The following MAPK10 variants were observed in gnomAD, a reference collection of about 807,000 sequenced individuals.
MAPK10 encodes mitogen-activated protein kinase 10.
In MAPK10, 25 loss-of-function variants were observed where a neutral mutation model predicts 59.3. That is an observed-to-expected ratio of 0.42 (90% confidence interval 0.31 to 0.59). The LOEUF (loss-of-function observed/expected upper bound fraction) is 0.59, where lower values mean the gene tolerates loss of function less well. MAPK10 is among the 20% of genes least tolerant of loss of function. The pLI, the probability that MAPK10 is intolerant of heterozygous loss-of-function variation, is 0.15. For synonymous variants in MAPK10, 190 were observed against 200.5 expected (o/e 0.95, Z 0.44); for missense variants, 351 against 568.9 (o/e 0.62, Z 3.90).
At chr4:86,284,424 G>A (rs917861222) in intron 2 of MAPK10, among the ~76,000 whole-genome samples, 6 of 152,068 alleles carry the variant, frequency 3.9e-5, no homozygotes, top group Non-Finnish European at 5.9e-5. Context: ...TCCTCTGAAC[G>A]ACTTCCATTC....
At chr4:86,233,486 C>A (rs1170813662) in intron 2 of MAPK10, among the ~76,000 whole-genome samples, 1 of 152,120 alleles carries the variant, frequency 6.6e-6, no homozygotes, top group Admixed American at 6.5e-5. Context: ...CAGGCATTAA[C>A]CTCCCTCCCC....
chr4:86,420,879 T>C (rs1374271186), intron 1 of MAPK10, among the ~76,000 whole-genome samples: 1 of 151,944 alleles, frequency 6.6e-6, no homozygotes, highest in African/African-American at 2.4e-5. Context: ...GTCAGGAGTA[T>C]GAGACCAGCC....
chr4:86,165,543 ATTTTTTTTTTTTTTTTTTTT>A (rs10525325), intron 3 of MAPK10, among the ~76,000 whole-genome samples: 11,748 of 57,642 alleles, frequency 0.2, 1,220 homozygotes, highest in African/African-American at 0.36. Flanking sequence ...CTCCCAGATA[ATTTTTTTTTTTTTTTTTTTT>A]TTTTTTTTTT....
chr4:86,587,544 T>C (rs1762731309), intron 1 of MAPK10, among the ~76,000 whole-genome samples: 1 of 152,240 alleles, frequency 6.6e-6, no homozygotes, highest in African/African-American at 2.4e-5. Context: ...GGATTACTTA[T>C]CTTGCTTCTG....
At chr4:86,119,583 C>CAAAAAAAAAAA (rs1200405289) in intron 4 of MAPK10, 2 of 52,668 alleles carry the variant, frequency 3.8e-5, no homozygotes, top group African/African-American at 5.2e-5. Context: ...GACTCCATCA[C>CAAAAAAAAAAA]AAAAAAAAAA....
intron 1 of MAPK10, among the ~76,000 whole-genome samples, chr4:86,541,947 G>GCACACACACACACACA (rs10555824): frequency 5.0e-5 from 7 of 140,474 alleles, no homozygotes; most frequent in South Asian, 2.6e-4. Flanking sequence ...GAATACACCG[G>GCACACACACACACACA]CACACACACA....
chr4:86,410,254 C>T (rs1045728130), intron 1 of MAPK10, among the ~76,000 whole-genome samples: 7 of 152,188 alleles, frequency 4.6e-5, no homozygotes, highest in Admixed American at 1.3e-4. Context: ...ATGAAGCTGA[C>T]TTGATCGTTG....
rs190567075 is a variant in MAPK10, at chr4:86,158,531, C to T, written c.236+767G>A. Among the ~76,000 whole-genome samples, 285 of 151,716 alleles carry T rather than the reference C, an allele frequency of 1.9e-3. 1 individual carries two copies. The highest frequency in any genetic ancestry group is 6.5e-3 in the African/African-American group (270 of 41,450). ...AAATAAATACACATATATAAATATACATATTCAGGGTACATGCCCTGAATT... is the reference window on the plus strand; with the variant it reads ...AAATAAATACACATATATAAATATATATATTCAGGGTACATGCCCTGAATT... On this transcript the variant is annotated intron_variant, in intron 4 of 13. Transcript: ENST00000641462.
chr4:86,093,485 T>C (rs1240606710), intron 9 of MAPK10, among the ~76,000 whole-genome samples: 1 of 151,972 alleles, frequency 6.6e-6, no homozygotes, highest in East Asian at 1.9e-4. Context: ...AGAACATTTC[T>C]TTTAAAATTA....
intron 4 of MAPK10, chr4:86,120,629 C>A (rs1194524727): frequency 2.0e-5 from 3 of 152,236 alleles, no homozygotes; most frequent in African/African-American, 7.2e-5. Context: ...CACAGACTGT[C>A]TCAGTTTCTC....
intron 2 of MAPK10, among the ~76,000 whole-genome samples, chr4:86,347,744 G>C (rs1729042447): frequency 6.6e-6 from 1 of 152,044 alleles, no homozygotes; most frequent in Non-Finnish European, 1.5e-5. Context: ...GAAAATACTA[G>C]CTAGCTCTCT....
At chr4:86,156,087 A>G (rs576065516) in intron 4 of MAPK10, among the ~76,000 whole-genome samples, 3 of 152,178 alleles carry the variant, frequency 2.0e-5, no homozygotes, top group South Asian at 2.1e-4. Context: ...TTCATTTAAT[A>G]TTTTCGTATC....
intron 11 of MAPK10, among the ~76,000 whole-genome samples, chr4:86,063,817 G>A (rs910176553): frequency 8.6e-5 from 13 of 151,980 alleles, no homozygotes; most frequent in South Asian, 4.2e-4. Flanking sequence ...GCCACCAATC[G>A]TTTTAATCAT....
chr4:86,391,952 C>G (rs558424703), intron 1 of MAPK10, among the ~76,000 whole-genome samples: 29 of 152,288 alleles, frequency 1.9e-4, no homozygotes, highest in Non-Finnish European at 3.7e-4. Context: ...TCCCTGGCCA[C>G]AGTGGCAATT....
chr4:86,561,041 A>G (rs904476013), intron 1 of MAPK10, among the ~76,000 whole-genome samples: 2 of 152,216 alleles, frequency 1.3e-5, no homozygotes, highest in East Asian at 3.8e-4. Context: ...TTTTCCATGA[A>G]TGCGGGAGTA....
intron 1 of MAPK10, among the ~76,000 whole-genome samples, chr4:86,552,941 T>C (rs1401648666): frequency 6.6e-6 from 1 of 152,142 alleles, no homozygotes; most frequent in East Asian, 1.9e-4. Context: ...TGTAGGGGCA[T>C]GAACGGTATG....
intron 2 of MAPK10, chr4:86,340,332 GACTC>G (rs1377257471): frequency 6.5e-6 from 1 of 153,044 alleles, no homozygotes; most frequent in African/African-American, 2.4e-5. Context: ...AGGTTTAATT[GACTC>G]ACAGTTCATC....
At chr4:86,462,612 G>T (rs940384760) in intron 1 of MAPK10, among the ~76,000 whole-genome samples, 16 of 152,150 alleles carry the variant, frequency 1.1e-4, no homozygotes, top group African/African-American at 3.9e-4. Context: ...AATGTAGCTG[G>T]AGTTGGTAAA....
chr4:86,282,171 G>A (rs779357440), intron 2 of MAPK10, among the ~76,000 whole-genome samples: 10 of 152,176 alleles, frequency 6.6e-5, no homozygotes, highest in Non-Finnish European at 1.3e-4. Context: ...CTGTTGCTCA[G>A]GCTTATATAG....
Sources: allele counts gnomAD v4.1 joint callset (sites outside exome capture counted in the v4.1 genomes callset), GRCh38; gene constraint gnomAD v4.1.1; transcripts MANE v1.5; gene names NCBI Gene and HGNC (gene_info 2026-07-23, HGNC 2026-07-21).